Variants in DPP6 observed in about 807,000 individuals in gnomAD.
DPP6 encodes the protein A-type potassium channel modulatory protein DPP6.
DPP6 carries 69 observed loss-of-function variants against 122.6 expected under a neutral mutation model. The ratio of observed to expected loss-of-function variants is 0.56; its 90% CI spans 0.46 to 0.69. DPP6 has a LOEUF of 0.69. Among genes scored for constraint, DPP6 ranks in the 30% least tolerant of loss-of-function variants. The pLI is 0.00. For synonymous variants in DPP6, 418 were observed against 433.1 expected, an observed-to-expected ratio of 0.97 and a Z score of 0.43; for missense variants, 928 against 1,116.9, an observed-to-expected ratio of 0.83 and a Z score of 2.41.
intron 1 of DPP6, among the ~76,000 whole-genome samples, chr7:154,135,770 G>A (rs1217405759): frequency 6.7e-6 from 1 of 148,904 alleles, no homozygotes; most frequent in Non-Finnish European, 1.5e-5. Flanking sequence ...CACTTCCTGT[G>A]ACTGTACACT....
intron 5 of DPP6, among the ~76,000 whole-genome samples, chr7:154,599,435 G>A (rs1237164661): frequency 6.6e-6 from 1 of 151,780 alleles, no homozygotes; most frequent in Non-Finnish European, 1.5e-5. Flanking sequence ...AATATTTGTG[G>A]GTAAGGCAAG....
chr7:154,512,265 T>G (rs1019744706), intron 3 of DPP6, among the ~76,000 whole-genome samples: 1 of 152,210 alleles, frequency 6.6e-6, no homozygotes, highest in African/African-American at 2.4e-5. Flanking sequence ...TTTCAGATAA[T>G]CCTGTCACAG....
chr7:153,922,616 A>G (rs978615482), intron 1 of DPP6, among the ~76,000 whole-genome samples: 2 of 152,268 alleles, frequency 1.3e-5, no homozygotes, highest in Non-Finnish European at 2.9e-5. Context: ...ATCATTGTAT[A>G]TCTTATAAAT....
intron 5 of DPP6, among the ~76,000 whole-genome samples, chr7:154,574,548 TGTGTGTGGTATGTGTATAA>T (rs1831364505): frequency 7.0e-6 from 1 of 142,832 alleles, no homozygotes; most frequent in African/African-American, 2.6e-5. Flanking sequence ...TGGTGTGGTG[TGTGTGTGGTATGTGTATAA>T]GTGTGTGGTG....
rs1192656140 is a variant in DPP6 at position 154,689,858 on chromosome 7, TCTC to T, written c.762+20420_762+20422del. ...GACTGCTCCATGAATTTTCCTTTCT[TCTC>T]CTGCATTACCACGTGACTTGTCATG... On this transcript the variant is annotated intron_variant, in intron 7 of 25. Coordinates refer to ENST00000377770, the MANE Select transcript of DPP6 (RefSeq NM_130797.4). 7.2e-5 allele frequency among the ~76,000 whole-genome samples: 11 copies of T among 152,346 alleles called. No homozygotes were observed. The East Asian group carries it at 1.5e-3, about 21-fold the overall frequency.
chr7:153,951,293 A>G (rs1802198519), intron 1 of DPP6, among the ~76,000 whole-genome samples: 2 of 152,188 alleles, frequency 1.3e-5, no homozygotes, highest in Admixed American at 6.5e-5. Context: ...ACCCTAGCAC[A>G]GGTGCATCTG....
intron 1 of DPP6, among the ~76,000 whole-genome samples, chr7:153,981,131 A>G (rs1241088566): frequency 1.3e-5 from 2 of 152,130 alleles, no homozygotes; most frequent in African/African-American, 4.8e-5. Flanking sequence ...CATCTGTCTA[A>G]TATTGACAGT....
intron 1 of DPP6, among the ~76,000 whole-genome samples, chr7:154,066,532 C>G (rs1019348052): frequency 2.0e-5 from 3 of 152,078 alleles, no homozygotes; most frequent in African/African-American, 7.2e-5. Context: ...ACTGCCATTG[C>G]GAATGGAGTG....
the DPP6 span, among the ~76,000 whole-genome samples, chr7:153,808,198 T>C: frequency 2.3e-5 from 3 of 130,064 alleles, 1 homozygote; most frequent in African/African-American, 6.3e-5. Flanking sequence ...TGTGTGTGTG[T>C]GCCTGAGTGT....
intron 1 of DPP6, among the ~76,000 whole-genome samples, chr7:153,950,889 C>T (rs965246969): frequency 7.2e-5 from 11 of 152,252 alleles, no homozygotes; most frequent in Admixed American, 5.9e-4. Context: ...TGGGGGTCAA[C>T]ATGTCTCGTG....
the DPP6 span, among the ~76,000 whole-genome samples, chr7:153,772,594 C>G: frequency 2.0e-5 from 3 of 151,734 alleles, no homozygotes; most frequent in Non-Finnish European, 2.9e-5. Context: ...AGAGCTAGGA[C>G]GATGGTAGAT....
chr7:154,364,562 G>A (rs1811998908), intron 1 of DPP6, among the ~76,000 whole-genome samples: 1 of 152,198 alleles, frequency 6.6e-6, no homozygotes, highest in Non-Finnish European at 1.5e-5. Context: ...GTGGGGGGTT[G>A]CATTCTGGAA....
intron 1 of DPP6, among the ~76,000 whole-genome samples, chr7:154,433,546 CCAGTT>C (rs1157929132): frequency 1.8e-4 from 27 of 152,118 alleles, no homozygotes; most frequent in African/African-American, 6.3e-4. Flanking sequence ...CCCAGAGACT[CCAGTT>C]CAGAGGGTCC....
At chr7:154,217,271 A>G (rs1800059826) in intron 1 of DPP6, among the ~76,000 whole-genome samples, 1 of 152,220 alleles carries the variant, frequency 6.6e-6, no homozygotes, top group East Asian at 1.9e-4. Flanking sequence ...TCTGAAAGAA[A>G]CTTTGAGCTC....
rs1563055692 is a variant in DPP6 at position 153,964,958 on chromosome 7, T to TTCTC, written c.51+77227_51+77228insCTCT. Among the ~76,000 whole-genome samples, 51 of 141,476 alleles carry TTCTC rather than the reference T, an allele frequency of 3.6e-4. 3 individuals carry two copies. The highest frequency in any genetic ancestry group is 3.4e-3 in the East Asian group (17 of 4,994). The allele number at this position is 141,476 out of a possible 152,430, so 92.8% of individuals were successfully genotyped here. ...TCTTTCTTTTTCTTTCTTTCTCTCT[T>TTCTC]TCTTTCTTTCATTTCTTTTCCCTTC... On this transcript the variant is annotated intron_variant, in intron 1 of 25. Transcript: ENST00000404039.
At chr7:154,705,793 A>G (rs972759716) in intron 7 of DPP6, among the ~76,000 whole-genome samples, 7 of 152,256 alleles carry the variant, frequency 4.6e-5, no homozygotes, top group African/African-American at 1.7e-4. Flanking sequence ...AACATAGGCA[A>G]ATACTATCTT....
At chr7:153,965,756 C>T (rs1340157826) in intron 1 of DPP6, among the ~76,000 whole-genome samples, 3 of 151,902 alleles carry the variant, frequency 2.0e-5, no homozygotes, top group East Asian at 2.0e-4. Context: ...TTTGCGAGGC[C>T]CAGACAGGCG....
chr7:153,815,784 C>G, the DPP6 span, among the ~76,000 whole-genome samples: 1 of 152,136 alleles, frequency 6.6e-6, no homozygotes, highest in East Asian at 1.9e-4. Context: ...TGTGAGTTAT[C>G]TGTGTTTCAT....
intron 5 of DPP6, among the ~76,000 whole-genome samples, chr7:154,583,668 C>G (rs35720916): frequency 0.57 from 87,128 of 152,012 alleles, 26,929 homozygotes; most frequent in Non-Finnish European, 0.69. Context: ...AGTCAGAAGC[C>G]TCGCGTGGAG....
Sources: allele counts gnomAD v4.1 joint callset (sites outside exome capture counted in the v4.1 genomes callset), GRCh38; gene constraint gnomAD v4.1.1; transcripts MANE v1.5; gene names NCBI Gene and HGNC (gene_info 2026-07-23, HGNC 2026-07-21).